Variants in LSAMP observed in about 807,000 individuals in gnomAD.
LSAMP encodes the protein limbic system associated membrane protein.
In LSAMP, 7 loss-of-function variants were observed where a neutral mutation model predicts 38.6. The ratio of observed to expected loss-of-function variants is 0.18; its 90% CI spans 0.10 to 0.34. The LOEUF is 0.34. LSAMP is among the 10% of genes least tolerant of loss of function. The pLI is 1.00. For missense variants in LSAMP, 313 were observed against 420.0 expected, an observed-to-expected ratio of 0.75 and a Z score of 2.23; for synonymous variants, 154 against 166.8, an observed-to-expected ratio of 0.92 and a Z score of 0.59.
rs1476425337 is a variant in LSAMP at position 115,802,525 on chromosome 3, A to AT, written c.*7791_*7792insA. On this transcript the variant is annotated 3_prime_UTR_variant, in exon 7 of 7. Coordinates refer to ENST00000490035, the MANE Select transcript of LSAMP (RefSeq NM_002338.5). Reference sequence around the variant, plus strand: ...AAAAGCTTTTTTTCATTTTAATTTTAATTTTTTTTTTTTAACACACATTGC... The same window carrying AT: ...AAAAGCTTTTTTTCATTTTAATTTTATATTTTTTTTTTTTAACACACATTGC... 7.6e-6 allele frequency: 1 copy of AT among 131,430 alleles called. No homozygotes were observed. Among genetic ancestry groups the AT allele is most frequent in the African/African-American group, 3.3e-5 (1 of 30,292 alleles). The allele number at this position is 131,430 out of a possible 1,614,324, so 8.1% of individuals were successfully genotyped here.
At chr3:116,400,602 C>T (rs1278993180) in intron 1 of LSAMP, among the ~76,000 whole-genome samples, 1 of 152,070 alleles carries the variant, frequency 6.6e-6, no homozygotes, top group African/African-American at 2.4e-5. Context: ...TCTCAGCCCC[C>T]AAGTAGCTGG....
At chr3:116,333,559 T>C (rs2047880683) in intron 1 of LSAMP, among the ~76,000 whole-genome samples, 1 of 147,560 alleles carries the variant, frequency 6.8e-6, no homozygotes, top group Non-Finnish European at 1.5e-5. Flanking sequence ...AAAGATATCA[T>C]ACAAGTATCT....
At chr3:116,006,109 AAT>A (rs1477981980) in intron 3 of LSAMP, among the ~76,000 whole-genome samples, 1 of 152,152 alleles carries the variant, frequency 6.6e-6, no homozygotes, top group Non-Finnish European at 1.5e-5. Context: ...GTCCCTCCAA[AAT>A]TCCTAGGTTG....
intron 1 of LSAMP, among the ~76,000 whole-genome samples, chr3:116,237,753 A>T (rs1264840371): frequency 6.6e-6 from 1 of 152,228 alleles, no homozygotes; most frequent in African/African-American, 2.4e-5. Context: ...GGACTCAAAC[A>T]CACGCCATTC....
At chr3:116,317,173 TTTG>T (rs1420786260) in intron 1 of LSAMP, among the ~76,000 whole-genome samples, 1 of 152,120 alleles carries the variant, frequency 6.6e-6, no homozygotes, top group South Asian at 2.1e-4. Flanking sequence ...CTGTGGAAGC[TTTG>T]TTGTTTGGCT....
At chr3:116,278,412 A>G (rs2047082230) in intron 1 of LSAMP, among the ~76,000 whole-genome samples, 1 of 152,042 alleles carries the variant, frequency 6.6e-6, no homozygotes, top group African/African-American at 2.4e-5. Context: ...ACCTGAAGTT[A>G]TTATCCTCAA....
intron 1 of LSAMP, among the ~76,000 whole-genome samples, chr3:116,200,412 T>G (rs936643165): frequency 1.3e-5 from 2 of 152,194 alleles, no homozygotes; most frequent in Non-Finnish European, 2.9e-5. Flanking sequence ...GTCTGATACA[T>G]CCTATCTGTT....
chr3:116,037,714 G>A (rs1232119105), intron 2 of LSAMP, among the ~76,000 whole-genome samples: 1 of 152,010 alleles, frequency 6.6e-6, no homozygotes, highest in Non-Finnish European at 1.5e-5. Flanking sequence ...TTTTTATGTA[G>A]GGCTTGCAGA....
chr3:116,339,817 G>C (rs989153240), intron 1 of LSAMP, among the ~76,000 whole-genome samples: 10 of 152,014 alleles, frequency 6.6e-5, no homozygotes, highest in Admixed American at 3.9e-4. Context: ...AGCATTAACT[G>C]CCACATATCT....
At chr3:115,977,729 C>CAAAAAA (rs56833385) in intron 3 of LSAMP, among the ~76,000 whole-genome samples, 1 of 129,734 alleles carries the variant, frequency 7.7e-6, no homozygotes, top group Admixed American at 7.9e-5. Flanking sequence ...AACAGAACAC[C>CAAAAAA]AAAAAAAAAA....
At chr3:116,168,571 C>G (rs149963675) in intron 1 of LSAMP, among the ~76,000 whole-genome samples, 5 of 152,286 alleles carry the variant, frequency 3.3e-5, no homozygotes, top group African/African-American at 1.2e-4. Context: ...TGCTTTTTCT[C>G]AGCATATATC....
rs146459553 is a variant in LSAMP at position 115,967,704 on chromosome 3, C to T, written c.514+51811G>A. Among the ~76,000 whole-genome samples the T allele has an allele frequency of 7.6e-3, 1,160 of 152,212 alleles. 5 individuals carry two copies. The highest frequency in any genetic ancestry group is 0.011 in the South Asian group (51 of 4,816). ...TGGTGGAAGGCAAGGAGGAGCAAGT[C>T]ACATTTTATGTGGATGGCAGCAGGC... is the stretch of plus-strand genomic sequence containing the variant. On this transcript the variant is annotated intron_variant, in intron 3 of 6. Coordinates refer to ENST00000490035, the MANE Select transcript of LSAMP (RefSeq NM_002338.5).
At chr3:116,295,796 T>G (rs73861418) in intron 1 of LSAMP, among the ~76,000 whole-genome samples, 1 of 144,014 alleles carries the variant, frequency 6.9e-6, no homozygotes, top group South Asian at 2.4e-4. Context: ...TATTTTGTTA[T>G]GTAAATAGAT....
At chr3:116,123,258 T>C (rs1316717708) in intron 1 of LSAMP, among the ~76,000 whole-genome samples, 1 of 152,138 alleles carries the variant, frequency 6.6e-6, no homozygotes, top group African/African-American at 2.4e-5. Context: ...TAAAAGAAGT[T>C]TTGGGAAAGT....
At chr3:116,406,673 A>T (rs753457480) in intron 1 of LSAMP, among the ~76,000 whole-genome samples, 4 of 152,110 alleles carry the variant, frequency 2.6e-5, no homozygotes, top group Non-Finnish European at 5.9e-5. Flanking sequence ...AATTTGGAAC[A>T]GCACTTCTAT....
intron 1 of LSAMP, among the ~76,000 whole-genome samples, chr3:116,358,061 T>C (rs1246584953): frequency 6.6e-6 from 1 of 152,176 alleles, no homozygotes; most frequent in Non-Finnish European, 1.5e-5. Flanking sequence ...TTTCTATCCT[T>C]GCATGAGAGT....
intron 1 of LSAMP, among the ~76,000 whole-genome samples, chr3:116,207,367 G>A (rs1345593178): frequency 6.6e-6 from 1 of 152,006 alleles, no homozygotes; most frequent in Non-Finnish European, 1.5e-5. Context: ...CAATTTGCCA[G>A]TCTGTGTCTT....
intron 1 of LSAMP, among the ~76,000 whole-genome samples, chr3:116,189,396 T>C (rs182298004): frequency 6.6e-6 from 1 of 152,264 alleles, no homozygotes; most frequent in East Asian, 1.9e-4. Context: ...ACCAAGGAAA[T>C]TGGCAAGTGC....
intron 1 of LSAMP, among the ~76,000 whole-genome samples, chr3:116,231,766 A>G (rs1247950636): frequency 3.9e-5 from 6 of 152,196 alleles, no homozygotes; most frequent in African/African-American, 7.2e-5. Flanking sequence ...CCCAAGTAAG[A>G]AAAAAGGACA....
Sources: allele counts gnomAD v4.1 joint callset (sites outside exome capture counted in the v4.1 genomes callset), GRCh38; gene constraint gnomAD v4.1.1; transcripts MANE v1.5; gene names NCBI Gene and HGNC (gene_info 2026-07-23, HGNC 2026-07-21).